KLHL28: variants seen among roughly 807,000 people sequenced by gnomAD.
KLHL28 encodes kelch like family member 28.
KLHL28 carries 22 observed loss-of-function variants against 48.3 expected under a neutral mutation model. That is an observed-to-expected ratio of 0.46 (90% CI 0.33 to 0.65). The LOEUF is 0.65. Among genes scored for constraint, KLHL28 ranks in the 30% least tolerant of loss-of-function variants. The pLI, the probability that KLHL28 is intolerant of heterozygous loss-of-function variation, is 0.03. For missense variants in KLHL28, 527 were observed against 704.3 expected (o/e 0.75, Z 2.85); for synonymous variants, 243 against 242.4 (o/e 1.00, Z -0.02).
chr14:44,933,930 T>C (rs902156152), intron 3 of KLHL28, among the ~76,000 whole-genome samples, 185 bp downstream of exon 3: 1 of 152,202 alleles, frequency 6.6e-6, no homozygotes, highest in Admixed American at 6.5e-5. Context: ...TGAGAGGGAT[T>C]TGATTGTTAG....
intron 3 of KLHL28, among the ~76,000 whole-genome samples, chr14:44,931,924 T>C (rs1477733414): frequency 6.6e-6 from 1 of 152,100 alleles, no homozygotes; most frequent in Non-Finnish European, 1.5e-5. Context: ...ATGAGGATAG[T>C]GCAACCTGAA....
chr14:44,935,592 T>C (rs1424670756), intron 2 of KLHL28, among the ~76,000 whole-genome samples: 1 of 151,984 alleles, frequency 6.6e-6, no homozygotes, highest in Non-Finnish European at 1.5e-5. Flanking sequence ...GAATAATATA[T>C]ATTACTGCAC....
At chr14:44,949,978 A>T (rs1884506983) in intron 1 of KLHL28, among the ~76,000 whole-genome samples, 1 of 152,066 alleles carries the variant, frequency 6.6e-6, no homozygotes, top group South Asian at 2.1e-4. Context: ...ATCTAAACAG[A>T]CTGTAACACC....
chr14:44,933,546 G>C (rs1038932527), intron 3 of KLHL28, among the ~76,000 whole-genome samples: 3 of 151,804 alleles, frequency 2.0e-5, no homozygotes, highest in Non-Finnish European at 4.4e-5. Context: ...CATATAACTA[G>C]TTACTTCATA....
chr14:44,946,755 C>T (rs1439888733), intron 1 of KLHL28, among the ~76,000 whole-genome samples: 1 of 152,044 alleles, frequency 6.6e-6, no homozygotes, highest in Non-Finnish European at 1.5e-5. Flanking sequence ...AAGGTTTCAC[C>T]ATGTTGGCCA....
intron 3 of KLHL28, 122 bp downstream of exon 3, chr14:44,933,993 T>C: frequency 1.5e-6 from 1 of 682,656 alleles, no homozygotes; most frequent in Non-Finnish European, 2.4e-6. Context: ...ATGGAGCAGA[T>C]TAAGTTTCCC....
At position 44,931,571 on chromosome 14, in the gene KLHL28, C is replaced by T. The variant is rs757273110; in HGVS notation, c.1344-30G>A. On this transcript the variant is annotated intron_variant, in intron 3 of 4. Transcript: ENST00000396128. The stretch of plus-strand genomic sequence containing the variant: ...AAATATTTAAAAAAAATTTAATTTA[C>T]AGATCTTTTGTGTCATTCTTCCTGT... 38 of 1,554,424 alleles carry T rather than the reference C, an allele frequency of 2.4e-5. 1 individual carries two copies. In the Middle Eastern group the frequency reaches 5.1e-4, roughly 21 times the overall value.
rs1041348598 is a variant in KLHL28, at chr14:44,928,072, T to A, written c.*956A>T. On this transcript the variant is annotated 3_prime_UTR_variant, in exon 5 of 5. Coordinates refer to ENST00000396128, the MANE Select transcript of KLHL28 (RefSeq NM_017658.5). The stretch of plus-strand genomic sequence containing the variant: ...TACTGAACATCCAAAAGGACATCAG[T>A]TATAGCCTTGTTATAAATCCTACAG... 3 of 152,546 alleles carry A rather than the reference T, an allele frequency of 2.0e-5. No homozygotes were observed. Among genetic ancestry groups the A allele is most frequent in the African/African-American group, 7.2e-5 (3 of 41,432 alleles). The allele number at this position is 152,546 out of a possible 1,614,324, so 9.4% of individuals were successfully genotyped here.
chr14:44,936,349 G>C (rs988400556), intron 2 of KLHL28, among the ~76,000 whole-genome samples: 1 of 152,042 alleles, frequency 6.6e-6, no homozygotes, highest in Non-Finnish European at 1.5e-5. Context: ...GATGATATAG[G>C]AGAGAGATAG....
At chr14:44,952,023 T>C (rs897329768) in intron 1 of KLHL28, among the ~76,000 whole-genome samples, 1 of 152,078 alleles carries the variant, frequency 6.6e-6, no homozygotes, top group African/African-American at 2.4e-5. Flanking sequence ...CACGCCCGAC[T>C]AGTTTTTGTA....
At chr14:44,940,901 A>T (rs1399362022) in intron 2 of KLHL28, among the ~76,000 whole-genome samples, 1 of 152,174 alleles carries the variant, frequency 6.6e-6, no homozygotes, top group East Asian at 1.9e-4. Context: ...GGAGTTCAAG[A>T]CCAGCCTGAC....
At chr14:44,949,188 C>G (rs1469778978) in intron 1 of KLHL28, among the ~76,000 whole-genome samples, 1 of 152,014 alleles carries the variant, frequency 6.6e-6, no homozygotes, top group Admixed American at 6.5e-5. Flanking sequence ...ACAGTAAATT[C>G]TACAATATGG....
In KLHL28 at chr14:44,925,749, A is replaced by G. The variant is rs541224461; in HGVS notation, c.*3279T>C. On this transcript the variant is annotated 3_prime_UTR_variant, in exon 5 of 5. Transcript: ENST00000396128. ...ACTTGATACCACTTCCTATAATTTA[A>G]TATTCACTCACATTTAAAACAATAA... is the stretch of plus-strand genomic sequence containing the variant. 7.9e-5 allele frequency: 12 copies of G among 152,296 alleles called. No individual in the cohort carries two copies. In the South Asian group the frequency reaches 2.1e-3, roughly 26 times the overall value. 9.4% of individuals were successfully genotyped at this position (152,296 alleles called of 1,614,324 possible).
chr14:44,940,659 C>A (rs1411977846), intron 2 of KLHL28, among the ~76,000 whole-genome samples: 1 of 152,160 alleles, frequency 6.6e-6, no homozygotes, highest in African/African-American at 2.4e-5. Flanking sequence ...TTCAACCCCC[C>A]CGCCAGCCAG....
chr14:44,932,623 T>G (rs1452496477), intron 3 of KLHL28, among the ~76,000 whole-genome samples: 5 of 152,220 alleles, frequency 3.3e-5, no homozygotes, highest in African/African-American at 1.2e-4. Context: ...GACACCATTC[T>G]GGAGTTCATA....
chr14:44,931,741 T>C (rs558646759), intron 3 of KLHL28, among the ~76,000 whole-genome samples, 200 bp from the exon 4 acceptor site: 2 of 152,302 alleles, frequency 1.3e-5, no homozygotes, highest in Non-Finnish European at 2.9e-5. Flanking sequence ...TGCAATTCCA[T>C]ATGCTATTCC....
intron 2 of KLHL28, among the ~76,000 whole-genome samples, chr14:44,935,864 G>GTGTATATATATATATA (rs1566564854): frequency 4.2e-5 from 2 of 47,810 alleles, no homozygotes; most frequent in South Asian, 7.5e-4. Context: ...GTATGTATGT[G>GTGTATATATATATATA]TATGTGTATG....
At chr14:44,930,993 T>A (rs1883561182) in intron 4 of KLHL28, among the ~76,000 whole-genome samples, 2 of 152,038 alleles carry the variant, frequency 1.3e-5, no homozygotes, top group Non-Finnish European at 1.5e-5. Context: ...AACAGAACAA[T>A]CCGAGGATTG....
intron 2 of KLHL28, among the ~76,000 whole-genome samples, chr14:44,937,944 A>T (rs1333116401): frequency 6.6e-6 from 1 of 152,200 alleles, no homozygotes; most frequent in African/African-American, 2.4e-5. Context: ...GGGTCTAGTC[A>T]CCTATTAAAG....
Sources: allele counts gnomAD v4.1 joint callset (sites outside exome capture counted in the v4.1 genomes callset), GRCh38; gene constraint gnomAD v4.1.1; transcripts MANE v1.5; gene names NCBI Gene and HGNC (gene_info 2026-07-23, HGNC 2026-07-21).